Variants in VIRMA observed in about 807,000 individuals in gnomAD.
VIRMA encodes the protein vir like m6A methyltransferase associated, also known as protein virilizer homolog.
VIRMA carries 65 observed loss-of-function variants against 182.4 expected under a neutral mutation model. The ratio of observed to expected loss-of-function variants is 0.36; its 90% CI spans 0.29 to 0.44. The LOEUF (loss-of-function observed/expected upper bound fraction) is 0.44, where lower values mean the gene tolerates loss of function less well. VIRMA is among the 20% of genes least tolerant of loss of function. VIRMA has a pLI of 1.00. For synonymous variants in VIRMA, 709 were observed against 743.1 expected (o/e 0.95, Z 0.75); for missense variants, 1,752 against 2,158.1 (o/e 0.81, Z 3.73).
chr8:94,536,765 G>C (rs1815359870), intron 4 of VIRMA, among the ~76,000 whole-genome samples: 1 of 152,178 alleles, frequency 6.6e-6, no homozygotes, highest in African/African-American at 2.4e-5. Flanking sequence ...GGATCACGAG[G>C]TCAGGAGATC....
At chr8:94,528,983 T>C in intron 7 of VIRMA, 87 bp downstream of exon 7, 1 of 1,536,602 alleles carries the variant, frequency 6.5e-7, no homozygotes, top group East Asian at 2.3e-5. Flanking sequence ...CCATTTATCT[T>C]TGCTAGAAAT....
Position 94,499,500 on chromosome 8 carries a change from T to G in VIRMA, c.4104A>C (p.Leu1368Phe), listed in dbSNP as rs751388031. 1.3e-6 allele frequency: 2 copies of G among 1,485,484 alleles called. No homozygotes were observed. The highest frequency in any genetic ancestry group is 1.9e-6 in the Non-Finnish European group (2 of 1,076,998). 92.0% of individuals were successfully genotyped at this position (1,485,484 alleles called of 1,614,324 possible). The change falls in exon 17 of 24, where the codon TTA (leucine) becomes TTC (phenylalanine). Residue 1368 changes from leucine (L) to phenylalanine (F), a missense_variant. Around this residue, in one of 11 missense-constraint regions of VIRMA, gnomAD observed 777 missense variants for 920.6 expected, o/e 0.84. Transcript: ENST00000297591. The part of the protein sequence containing the change: ...DYGLFHLKSS[L>F]RKNSSALHSL... ...TATGCAGAGCACTACTGTTTTTCCT[T>G]AAAGAACTGTAAATAAAGAAAATAA...
At chr8:94,493,817 A>C (rs1813683279) in intron 20 of VIRMA, among the ~76,000 whole-genome samples, 1 of 152,252 alleles carries the variant, frequency 6.6e-6, no homozygotes, top group African/African-American at 2.4e-5. Flanking sequence ...AAAAGGAACA[A>C]TGTACTGTAT....
At position 94,538,285 on chromosome 8, in the gene VIRMA, C is replaced by G; in HGVS notation, c.241G>C (p.Ala81Pro). 1 of 1,613,212 alleles carries G rather than the reference C, an allele frequency of 6.2e-7. No individual in the cohort carries two copies. The highest frequency in any genetic ancestry group is 8.5e-7 in the Non-Finnish European group (1 of 1,179,290). ...CTTCCCAACCTATCGAAAACAGGGG[C>G]ACTTGGTTTGCTTACATTGTTGAAG... ...LFFNNVSKPS[A>P]PVFDRLGSLE... The change falls in exon 3 of 24, where the codon GCC (alanine) becomes CCC (proline). Residue 81 changes from alanine to proline, a missense_variant. By Grantham distance (27) the Ala-to-Pro change is conservative. This residue lies in a region of VIRMA where 195 missense variants were observed against 191.7 expected (regional missense o/e 1.02). Transcript: ENST00000297591.
Position 94,534,772 on chromosome 8 carries a change from G to A in VIRMA, c.484+67C>T, listed in dbSNP as rs199521706. 2,299 of 1,510,940 alleles carry A rather than the reference G, an allele frequency of 1.5e-3. 2 individuals are homozygous for A. The highest frequency in any genetic ancestry group is 2.4e-3 in the Middle Eastern group (14 of 5,750). 93.6% of individuals were successfully genotyped at this position (1,510,940 alleles called of 1,614,324 possible). A position where few individuals can be genotyped will look rare whatever the true frequency, so the allele number is the denominator to read the frequency against. ...AACAAAAGGTAAAAGAGTGCTCTTC[G>A]AATTATTTTTTTTTTTTAAACCACG... On this transcript the variant is annotated intron_variant, in intron 5 of 23. Coordinates refer to ENST00000297591, the MANE Select transcript of VIRMA (RefSeq NM_015496.5).
chr8:94,505,712 G>A (rs1028567527), intron 16 of VIRMA, among the ~76,000 whole-genome samples: 3 of 151,964 alleles, frequency 2.0e-5, no homozygotes, highest in African/African-American at 7.3e-5. Context: ...TTGAACTCTT[G>A]AACTACTGGG....
chr8:94,529,380 G>A (rs1179145651), intron 6 of VIRMA, 38 bp from the exon 7 acceptor site: 2 of 1,247,886 alleles, frequency 1.6e-6, no homozygotes, highest in Non-Finnish European at 2.3e-6. Flanking sequence ...CTATTTTAAT[G>A]GTTTAAATGA....
intron 15 of VIRMA, 132 bp downstream of exon 15, chr8:94,509,556 C>T (rs2130302480): frequency 1.1e-6 from 1 of 915,778 alleles, no homozygotes; most frequent in Non-Finnish European, 1.6e-6. Context: ...CCATGAACAA[C>T]AGCAGGAATA....
intron 8 of VIRMA, among the ~76,000 whole-genome samples, chr8:94,520,185 CAAAAA>C (rs757063695): frequency 7.2e-5 from 6 of 82,954 alleles, no homozygotes; most frequent in Admixed American, 2.5e-4. Context: ...GACCCTGCAT[CAAAAA>C]AAAAAAAAAA....
chr8:94,551,531 G>A (rs536962419), intron 1 of VIRMA, among the ~76,000 whole-genome samples: 2 of 152,232 alleles, frequency 1.3e-5, no homozygotes, highest in East Asian at 3.9e-4. Context: ...TGATTTAAAT[G>A]TGATCTCTGC....
Position 94,526,483 on chromosome 8 carries a change from A to C in VIRMA, c.1761T>G (p.Asp587Glu). ...TSSLPNHSEP[D>E]HDTDAGLERT... ...TCTCAAGTCCAGCATCTGTGTCGTG[A>C]TCAGGTTCACTGTGGTTAGGAAGAG... is the stretch of plus-strand genomic sequence containing the variant. The change falls in exon 8 of 24, where the codon GAT becomes GAG. Residue 587 changes from aspartate to glutamate, a missense_variant. Around this residue, in one of 11 missense-constraint regions of VIRMA, gnomAD observed 401 missense variants for 455.1 expected, o/e 0.88. Coordinates refer to ENST00000297591, the MANE Select transcript of VIRMA (RefSeq NM_015496.5). The C allele has an allele frequency of 1.2e-6, 2 of 1,613,908 alleles. No homozygotes were observed.
At chr8:94,515,352 C>T (rs941900238) in intron 10 of VIRMA, among the ~76,000 whole-genome samples, 2 of 152,074 alleles carry the variant, frequency 1.3e-5, no homozygotes, top group Non-Finnish European at 2.9e-5. Flanking sequence ...GCCTCAGCCT[C>T]CCAAAGTGCT....
At chr8:94,551,681 T>C (rs1815992072) in intron 1 of VIRMA, among the ~76,000 whole-genome samples, 1 of 152,212 alleles carries the variant, frequency 6.6e-6, no homozygotes, top group Non-Finnish European at 1.5e-5. Flanking sequence ...TAAACTAGAA[T>C]AGTACTAAAC....
At position 94,526,820 on chromosome 8, in the gene VIRMA, G is replaced by A. The variant is rs1010207767; in HGVS notation, c.1424C>T (p.Thr475Ile). The change falls in exon 8 of 24, where the codon ACA becomes ATA. Residue 475 changes from threonine (T) to isoleucine (I), a missense_variant. By Grantham distance (89) the Thr-to-Ile change is moderately conservative. Transcript: ENST00000297591. ...SLAECGAQGV[T>I]GLLQAGVISG... ...GATCACTCCTGCTTGTAGCAGTCCT[G>A]TAACTCCTTGAGCCCCACATTCTGC... 6.2e-7 allele frequency: 1 copy of A among 1,614,152 alleles called. No homozygotes were observed. The highest frequency in any genetic ancestry group is 1.1e-5 in the South Asian group (1 of 91,084).
Position 94,519,060 on chromosome 8 carries a change from C to T in VIRMA, c.2438G>A (p.Gly813Asp). 2 of 1,613,852 alleles carry T rather than the reference C, an allele frequency of 1.2e-6. No homozygotes were observed. Among genetic ancestry groups the T allele is most frequent in the Middle Eastern group, 1.6e-4 (1 of 6,062 alleles). Residue 813 changes from glycine (G) to aspartate (D), a missense_variant, in exon 9 of 24, where the codon GGC (glycine) becomes GAC (aspartate). Physicochemically the swap from Gly to Asp is moderately conservative, Grantham distance 94 (BLOSUM62 -1). This residue lies in a region of VIRMA where 777 missense variants were observed against 920.6 expected (regional missense o/e 0.84). Transcript: ENST00000297591. The stretch of plus-strand genomic sequence containing the variant: ...ATTTTTCTCCAGACTAAAAACATGG[C>T]CAACAGCTGATCTTCCCACAGGATT... ...TFNPVGRSAV[G>D]HVFSLEKNLQ...
At chr8:94,544,260 T>C (rs1815681740) in intron 1 of VIRMA, among the ~76,000 whole-genome samples, 1 of 152,218 alleles carries the variant, frequency 6.6e-6, no homozygotes, top group South Asian at 2.1e-4. Context: ...TTTTGATTTC[T>C]AGAAAGATAA....
intron 17 of VIRMA, chr8:94,497,438 CT>C (rs59548702): frequency 2.0e-5 from 3 of 149,436 alleles, no homozygotes; most frequent in Middle Eastern, 3.4e-3. Context: ...CTTTTTTTTT[CT>C]TTTTTTTGAG....
At chr8:94,496,296 C>A (rs1421592035) in intron 18 of VIRMA, 32 bp downstream of exon 18, 2 of 1,587,684 alleles carry the variant, frequency 1.3e-6, no homozygotes, top group Non-Finnish European at 8.6e-7. Context: ...GGAAAATAGG[C>A]CTTAAGAACG....
intron 2 of VIRMA, among the ~76,000 whole-genome samples, chr8:94,540,343 T>C (rs72674857): frequency 0.013 from 1,958 of 152,054 alleles, 26 homozygotes; most frequent in Non-Finnish European, 0.018. Context: ...AAGGAATACA[T>C]AAAACACTAA....
Sources: gnomAD v4.1 joint callset for allele counts (sites outside exome capture counted in the v4.1 genomes callset) on GRCh38, gnomAD v4.1.1 for gene constraint, gnomAD v4.1.1 regional missense constraint, MANE v1.5 for transcripts, NCBI Gene and HGNC (gene_info 2026-07-23, HGNC 2026-07-21) for gene names.